DLG2: variants seen among roughly 807,000 people sequenced by gnomAD.
DLG2 encodes discs large MAGUK scaffold protein 2, also known as disks large homolog 2.
DLG2 carries 45 observed loss-of-function variants against 132.5 expected under a neutral mutation model. The observed-to-expected ratio is 0.34, with a 90% CI of 0.27 to 0.44. The LOEUF is 0.44. DLG2 is among the 20% of genes least tolerant of loss of function. DLG2 has a pLI of 1.00. For synonymous variants in DLG2, 424 were observed against 419.6 expected, an observed-to-expected ratio of 1.01 and a Z score of -0.13; for missense variants, 1,045 against 1,196.9, an observed-to-expected ratio of 0.87 and a Z score of 1.87.
chr11:85,355,770 C>T (rs1297037555), intron 3 of DLG2, among the ~76,000 whole-genome samples: 1 of 152,136 alleles, frequency 6.6e-6, no homozygotes, highest in African/African-American at 2.4e-5. Flanking sequence ...TATAGGATAA[C>T]AATTTCCCAT....
rs770712831 is a variant in DLG2 at position 84,534,680 on chromosome 11, G to A, written c.409C>T (p.Leu137=). The A allele has an allele frequency of 7.4e-6, 12 of 1,614,052 alleles. No individual in the cohort carries two copies. Among genetic ancestry groups the A allele is most frequent in the Non-Finnish European group, 1.0e-5 (12 of 1,179,928 alleles). The change falls in exon 7 of 28, where the codon CTA becomes TTA. Residue 137 remains leucine (L), a synonymous_variant. Coordinates refer to ENST00000376104, the MANE Select transcript of DLG2 (RefSeq NM_001142699.3). ...TCTGGGCCTCTTACTTCGTGGGTTA[G>A]TCGAGGTAAGGAATGATCATGTGGA... ...DAPHDHSLPR[L]THEVRGPELV... is the part of the protein sequence containing the mutation.
intron 6 of DLG2, among the ~76,000 whole-genome samples, chr11:85,095,568 T>C (rs2069595174): frequency 6.6e-6 from 1 of 152,168 alleles, no homozygotes; most frequent in African/African-American, 2.4e-5. Flanking sequence ...AATACTTTCC[T>C]TGACCTAGCA....
At chr11:85,411,094 T>C (rs539061512) in intron 3 of DLG2, among the ~76,000 whole-genome samples, 1 of 151,710 alleles carries the variant, frequency 6.6e-6, no homozygotes, top group African/African-American at 2.4e-5. Flanking sequence ...TTTGAGGGAA[T>C]ATTCTTCAGA....
intron 3 of DLG2, among the ~76,000 whole-genome samples, chr11:85,579,504 G>A (rs561361673): frequency 8.5e-5 from 13 of 152,272 alleles, no homozygotes; most frequent in African/African-American, 2.9e-4. Flanking sequence ...GACACGATCA[G>A]GTATGTCAAA....
At chr11:85,075,350 C>A (rs1257205822) in intron 6 of DLG2, among the ~76,000 whole-genome samples, 2 of 151,774 alleles carry the variant, frequency 1.3e-5, no homozygotes, top group African/African-American at 4.8e-5. Context: ...GGATGTGTGT[C>A]TAAGGATGTT....
chr11:83,564,625 T>G (rs1487073024), intron 19 of DLG2, among the ~76,000 whole-genome samples: 1 of 152,214 alleles, frequency 6.6e-6, no homozygotes, highest in Non-Finnish European at 1.5e-5. Flanking sequence ...CTCCATCCAC[T>G]GATAAAATTC....
intron 6 of DLG2, among the ~76,000 whole-genome samples, chr11:84,671,486 G>C (rs185973895): frequency 2.6e-5 from 4 of 152,220 alleles, no homozygotes; most frequent in African/African-American, 9.6e-5. Context: ...GGAAGAGCAA[G>C]ATGACAGTAG....
At chr11:84,923,029 TG>T in intron 6 of DLG2, 1 of 1,611,630 alleles carries the variant, frequency 6.2e-7, no homozygotes, top group Non-Finnish European at 8.5e-7. Context: ...TTTCTGCAGC[TG>T]GTTTAACATG....
intron 7 of DLG2, among the ~76,000 whole-genome samples, chr11:84,440,227 T>C (rs936852000): frequency 6.6e-6 from 1 of 152,326 alleles, no homozygotes; most frequent in Non-Finnish European, 1.5e-5. Context: ...CTATTGTTTC[T>C]TAAATAGGCA....
chr11:85,607,105 T>C (rs537120454), intron 2 of DLG2, among the ~76,000 whole-genome samples: 19 of 152,286 alleles, frequency 1.2e-4, no homozygotes, highest in African/African-American at 2.2e-4. Context: ...GTGAGTACCA[T>C]TGGACCACTT....
chr11:83,911,228 G>A (rs914774063), intron 15 of DLG2, among the ~76,000 whole-genome samples: 1 of 152,044 alleles, frequency 6.6e-6, no homozygotes, highest in African/African-American at 2.4e-5. Flanking sequence ...AAGGAACAGG[G>A]GAATGAAGCT....
intron 6 of DLG2, among the ~76,000 whole-genome samples, chr11:85,085,439 C>T (rs2067790352): frequency 2.6e-5 from 4 of 152,026 alleles, no homozygotes; most frequent in Admixed American, 2.6e-4. Flanking sequence ...ACATTTGTTG[C>T]CTATAATTGT....
chr11:84,132,482 A>C (rs1214392592), intron 9 of DLG2, among the ~76,000 whole-genome samples: 1 of 152,006 alleles, frequency 6.6e-6, no homozygotes, highest in Non-Finnish European at 1.5e-5. Flanking sequence ...TCACTTAAAG[A>C]AATGAGCACA....
At chr11:83,943,474 T>C (rs2083115410) in intron 14 of DLG2, among the ~76,000 whole-genome samples, 1 of 152,234 alleles carries the variant, frequency 6.6e-6, no homozygotes, top group African/African-American at 2.4e-5. Flanking sequence ...CTAACTAACA[T>C]GGCATTATGA....
intron 6 of DLG2, chr11:84,923,734 G>A: frequency 3.5e-6 from 1 of 289,376 alleles, no homozygotes; most frequent in Non-Finnish European, 5.2e-6. Flanking sequence ...AACAGGACCA[G>A]GACCAGAGGA....
chr11:85,399,540 G>T (rs1039202912), intron 3 of DLG2, among the ~76,000 whole-genome samples: 1 of 152,070 alleles, frequency 6.6e-6, no homozygotes, highest in Non-Finnish European at 1.5e-5. Flanking sequence ...ATACTACAAG[G>T]CTACAGTAAC....
intron 15 of DLG2, among the ~76,000 whole-genome samples, chr11:83,926,616 G>C (rs1437881664): frequency 6.6e-6 from 1 of 151,916 alleles, no homozygotes; most frequent in African/African-American, 2.4e-5. Context: ...ATCTTTTTTA[G>C]GGCAAAAGAT....
chr11:85,419,243 T>C (rs2090106104), intron 3 of DLG2, among the ~76,000 whole-genome samples: 1 of 152,234 alleles, frequency 6.6e-6, no homozygotes, highest in African/African-American at 2.4e-5. Context: ...GAGTGTTGAA[T>C]ATTGGCACCC....
intron 10 of DLG2, among the ~76,000 whole-genome samples, chr11:84,094,666 C>G (rs1354987834): frequency 6.6e-6 from 1 of 152,250 alleles, no homozygotes; most frequent in East Asian, 1.9e-4. Context: ...TTTATGAGGG[C>G]ACTAATATAA....
Sources: gnomAD v4.1 joint callset for allele counts (sites outside exome capture counted in the v4.1 genomes callset) on GRCh38, gnomAD v4.1.1 for gene constraint, MANE v1.5 for transcripts, NCBI Gene and HGNC (gene_info 2026-07-23, HGNC 2026-07-21) for gene names.